Variants in BRINP1 observed in about 807,000 individuals in gnomAD.
BRINP1 encodes BMP/retinoic acid-inducible neural-specific protein 1.
A neutral mutation model predicts 72.9 loss-of-function variants in BRINP1; 17 were observed. The ratio of observed to expected loss-of-function variants is 0.23; its 90% CI spans 0.16 to 0.35. The LOEUF (loss-of-function observed/expected upper bound fraction) is 0.35. BRINP1 is among the 10% of genes least tolerant of loss of function. BRINP1 has a pLI of 1.00. For missense variants in BRINP1, 850 were observed against 1,001.6 expected, an observed-to-expected ratio of 0.85 and a Z score of 2.04; for synonymous variants, 418 against 378.5, an observed-to-expected ratio of 1.10 and a Z score of -1.21.
Position 119,242,228 on chromosome 9 carries a change from A to C in BRINP1, c.410-12T>G. On this transcript the variant is annotated splice_polypyrimidine_tract_variant and intron_variant, in intron 3 of 7. Transcript: ENST00000265922. ...CAAAGCCTCCTCCCCTGGATGGGAAAGAAAAGTAGATAAGAAGGTTTGTGG... is the reference window on the plus strand; with the variant it reads ...CAAAGCCTCCTCCCCTGGATGGGAACGAAAAGTAGATAAGAAGGTTTGTGG... The C allele has an allele frequency of 1.2e-6, 2 of 1,612,774 alleles. No homozygotes were observed. The highest frequency in any genetic ancestry group is 2.2e-5 in the South Asian group (2 of 90,836).
chr9:119,320,920 G>GTTA, intron 1 of BRINP1, among the ~76,000 whole-genome samples: 1 of 152,014 alleles, frequency 6.6e-6, no homozygotes. Context: ...AGAGGGAGGG[G>GTTA]TTATGGTCTC....
chr9:119,224,534 T>C (rs929595756), intron 5 of BRINP1, among the ~76,000 whole-genome samples: 20 of 152,080 alleles, frequency 1.3e-4, no homozygotes, highest in Admixed American at 8.5e-4. Flanking sequence ...ATTAGGGCAC[T>C]TTTGCTAAAT....
At chr9:119,204,746 T>A (rs1829836133) in intron 7 of BRINP1, among the ~76,000 whole-genome samples, 1 of 152,216 alleles carries the variant, frequency 6.6e-6, no homozygotes, top group East Asian at 1.9e-4. Context: ...ATCATCACAC[T>A]TAACCTGAAG....
intron 3 of BRINP1, among the ~76,000 whole-genome samples, chr9:119,247,400 C>A (rs939366229): frequency 1.3e-5 from 2 of 151,992 alleles, no homozygotes; most frequent in African/African-American, 4.8e-5. Context: ...CACCTGTAAT[C>A]CCAACACTCT....
chr9:119,328,808 CAA>C (rs1831265188), intron 1 of BRINP1, among the ~76,000 whole-genome samples: 1 of 151,884 alleles, frequency 6.6e-6, no homozygotes, highest in East Asian at 1.9e-4. Context: ...GCTTGGGAGT[CAA>C]AAAGACTTCT....
At chr9:119,185,673 A>T (rs932416781) in intron 7 of BRINP1, among the ~76,000 whole-genome samples, 1 of 152,162 alleles carries the variant, frequency 6.6e-6, no homozygotes, top group Non-Finnish European at 1.5e-5. Flanking sequence ...GAAACAAAAC[A>T]TCTTGTCTCT....
intron 2 of BRINP1, among the ~76,000 whole-genome samples, chr9:119,276,801 G>A (rs12387019): frequency 0.098 from 14,868 of 151,992 alleles, 2,470 homozygotes; most frequent in African/African-American, 0.34. Flanking sequence ...TCTTAATTTC[G>A]TTTATCTTCC....
intron 7 of BRINP1, among the ~76,000 whole-genome samples, chr9:119,199,999 A>C (rs1829787638): frequency 6.6e-6 from 1 of 152,208 alleles, no homozygotes; most frequent in Non-Finnish European, 1.5e-5. Flanking sequence ...ACCCTGGAAA[A>C]GTCACTTACC....
chr9:119,176,872 C>G (rs540286307), intron 7 of BRINP1, among the ~76,000 whole-genome samples: 1 of 152,144 alleles, frequency 6.6e-6, no homozygotes, highest in African/African-American at 2.4e-5. Flanking sequence ...AGTTGCTTAT[C>G]GGCTGGGAAA....
intron 1 of BRINP1, among the ~76,000 whole-genome samples, chr9:119,335,752 A>T (rs1298934678): frequency 1.3e-5 from 2 of 152,344 alleles, no homozygotes; most frequent in Non-Finnish European, 2.9e-5. Flanking sequence ...GTGTGCTCAG[A>T]CTTCTCTAAA....
intron 2 of BRINP1, among the ~76,000 whole-genome samples, chr9:119,308,161 A>T (rs1831017789): frequency 6.6e-6 from 1 of 152,236 alleles, no homozygotes; most frequent in Non-Finnish European, 1.5e-5. Context: ...ATCATGGAAA[A>T]ATAAATGGGT....
intron 1 of BRINP1, among the ~76,000 whole-genome samples, chr9:119,330,670 C>T (rs531668872): frequency 1.3e-3 from 194 of 152,176 alleles, no homozygotes; most frequent in Non-Finnish European, 2.2e-3. Context: ...AACATAAAAA[C>T]TGGCATGCAA....
intron 2 of BRINP1, among the ~76,000 whole-genome samples, chr9:119,272,813 TATCCATTCGATAACTC>T (rs1207703551): frequency 6.6e-6 from 1 of 152,226 alleles, no homozygotes. Context: ...CTCTCTCTGT[TATCCATTCGATAACTC>T]AGGGTAGCCT....
At chr9:119,316,182 G>C (rs1290355038) in intron 1 of BRINP1, among the ~76,000 whole-genome samples, 1 of 152,160 alleles carries the variant, frequency 6.6e-6, no homozygotes, top group South Asian at 2.1e-4. Context: ...CACCTCCCGG[G>C]TTCAAGCAAT....
rs376359575 is a variant in BRINP1 at position 119,204,204 on chromosome 9, T to C, written c.1145+4515A>G. ...GATGCAGCCCAGTCAAGCCCCCAGA[T>C]GACAAGAGCCCCAGCCAACTAGAGA... On this transcript the variant is annotated intron_variant, in intron 7 of 7. Coordinates refer to ENST00000265922, the MANE Select transcript of BRINP1 (RefSeq NM_014618.3). 5.0e-4 allele frequency among the ~76,000 whole-genome samples: 76 copies of C among 152,196 alleles called. No individual in the cohort carries two copies. In the East Asian group the frequency reaches 0.011, roughly 23 times the overall value.
chr9:119,202,063 C>A (rs192284474), intron 7 of BRINP1, among the ~76,000 whole-genome samples: 1 of 152,076 alleles, frequency 6.6e-6, no homozygotes, highest in Non-Finnish European at 1.5e-5. Flanking sequence ...CATCTTGTCT[C>A]GGAGATTGGT....
At chr9:119,168,981 G>A (rs1588151873) in intron 7 of BRINP1, among the ~76,000 whole-genome samples, 1 of 151,990 alleles carries the variant, frequency 6.6e-6, no homozygotes, top group Admixed American at 6.5e-5. Flanking sequence ...CCCATTATTG[G>A]GTATATACCC....
chr9:119,292,601 C>G (rs77592091), intron 2 of BRINP1, among the ~76,000 whole-genome samples: 4,231 of 152,240 alleles, frequency 0.028, 197 homozygotes, highest in African/African-American at 0.096. Flanking sequence ...TTAGGTTCAG[C>G]CTTTCATAGA....
rs183220879 is a variant in BRINP1, at chr9:119,260,967, T to C, written c.219-11817A>G. 2.0e-5 allele frequency among the ~76,000 whole-genome samples: 3 copies of C among 152,116 alleles called. No homozygotes were observed. In the East Asian group the frequency reaches 5.8e-4, roughly 29 times the overall value. On this transcript the variant is annotated intron_variant, in intron 2 of 7. Coordinates refer to ENST00000265922, the MANE Select transcript of BRINP1 (RefSeq NM_014618.3). ...TGTCATGAAAACACAGCTCTGAGGGTTAAAACTGAAATGACTAGGAATAAT... is the reference window on the plus strand; with the variant it reads ...TGTCATGAAAACACAGCTCTGAGGGCTAAAACTGAAATGACTAGGAATAAT...
Sources: gnomAD v4.1 joint callset for allele counts (sites outside exome capture counted in the v4.1 genomes callset) on GRCh38, gnomAD v4.1.1 for gene constraint, MANE v1.5 for transcripts, NCBI Gene and HGNC (gene_info 2026-07-23, HGNC 2026-07-21) for gene names.